Variants in RASAL2 observed in about 807,000 individuals in gnomAD.
The protein encoded by RASAL2 is RAS protein activator like 2.
In RASAL2, 58 loss-of-function variants were observed where a neutral mutation model predicts 128.9. The observed-to-expected ratio is 0.45, with a 90% CI of 0.36 to 0.56. The LOEUF (loss-of-function observed/expected upper bound fraction) is 0.56, where lower values mean the gene tolerates loss of function less well. Ranked by LOEUF, RASAL2 falls within the 20% of genes least tolerant of loss-of-function variation. RASAL2 has a pLI of 0.00. For missense variants in RASAL2, 1,360 were observed against 1,601.6 expected, an observed-to-expected ratio of 0.85 and a Z score of 2.57; for synonymous variants, 561 against 580.8, an observed-to-expected ratio of 0.97 and a Z score of 0.49.
chr1:178,352,062 T>C (rs1362264686), intron 3 of RASAL2, among the ~76,000 whole-genome samples: 1 of 152,220 alleles, frequency 6.6e-6, no homozygotes, highest in African/African-American at 2.4e-5. Context: ...AAAAATTGAA[T>C]TCATCAAAGG....
chr1:178,306,377 T>G (rs1667990596), intron 3 of RASAL2, among the ~76,000 whole-genome samples: 1 of 151,796 alleles, frequency 6.6e-6, no homozygotes, highest in African/African-American at 2.4e-5. Context: ...TGTGTCTTTA[T>G]AGCAGCATGA....
At chr1:178,470,850 G>A (rs1443927500) in intron 17 of RASAL2, 1 of 696,262 alleles carries the variant, frequency 1.4e-6, no homozygotes, top group African/African-American at 1.9e-5. Flanking sequence ...GTGTGGACTA[G>A]ATTGCTTTCC....
intron 9 of RASAL2, among the ~76,000 whole-genome samples, chr1:178,448,326 A>G (rs147895609): frequency 2.0e-5 from 3 of 152,368 alleles, no homozygotes; most frequent in African/African-American, 7.2e-5. Flanking sequence ...CTTAAATATC[A>G]CTAGTGATGG....
intron 3 of RASAL2, among the ~76,000 whole-genome samples, chr1:178,367,615 A>G (rs1277230600): frequency 6.6e-6 from 1 of 152,138 alleles, no homozygotes; most frequent in African/African-American, 2.4e-5. Context: ...TGAAAGTATG[A>G]GTACAAGCAG....
At chr1:178,141,649 T>G (rs955642609) in intron 1 of RASAL2, among the ~76,000 whole-genome samples, 1 of 152,036 alleles carries the variant, frequency 6.6e-6, no homozygotes, top group Non-Finnish European at 1.5e-5. Flanking sequence ...GGTTGTGCAT[T>G]TGAGATTTCC....
chr1:178,332,824 G>T (rs1669396641), intron 3 of RASAL2, among the ~76,000 whole-genome samples: 1 of 151,306 alleles, frequency 6.6e-6, no homozygotes, highest in African/African-American at 2.4e-5. Flanking sequence ...CCGTGGTCTC[G>T]ATCTCCTGAC....
At chr1:178,311,722 T>C (rs1668260968) in intron 3 of RASAL2, among the ~76,000 whole-genome samples, 1 of 152,104 alleles carries the variant, frequency 6.6e-6, no homozygotes, top group Non-Finnish European at 1.5e-5. Flanking sequence ...GAATACCCCT[T>C]GGTGTATTTA....
intron 4 of RASAL2, among the ~76,000 whole-genome samples, chr1:178,399,728 T>C (rs1452849747): frequency 6.6e-6 from 1 of 152,204 alleles, no homozygotes; most frequent in East Asian, 1.9e-4. Flanking sequence ...TTAATGACAT[T>C]GTCTTCCTGC....
intron 15 of RASAL2, 106 bp downstream of exon 15, chr1:178,464,518 T>A (rs1647438021): frequency 7.6e-7 from 1 of 1,315,338 alleles, no homozygotes; most frequent in East Asian, 2.3e-5. Flanking sequence ...TCTTCACCTC[T>A]ACCCCTTATG....
At chr1:178,122,777 A>C (rs1337707729) in intron 1 of RASAL2, among the ~76,000 whole-genome samples, 1 of 151,570 alleles carries the variant, frequency 6.6e-6, no homozygotes, top group African/African-American at 2.4e-5. Flanking sequence ...AATGGTTTGG[A>C]TTTGTCAAAT....
At chr1:178,140,126 A>G (rs989992293) in intron 1 of RASAL2, among the ~76,000 whole-genome samples, 1 of 152,172 alleles carries the variant, frequency 6.6e-6, no homozygotes, top group Non-Finnish European at 1.5e-5. Context: ...AGACTAGAGC[A>G]GTGTTTCTCA....
chr1:178,410,118 A>G lies in RASAL2; in HGVS notation c.565-10393A>G, dbSNP rs143911723. On this transcript the variant is annotated intron_variant, in intron 4 of 17. Transcript: ENST00000367649. ...AAAAGAGAGCAGGAAAAAACAAGGGACAGGGAGAAAATGAGGTGGTCCAGA... is the reference window on the plus strand; with the variant it reads ...AAAAGAGAGCAGGAAAAAACAAGGGGCAGGGAGAAAATGAGGTGGTCCAGA... 3.4e-3 allele frequency among the ~76,000 whole-genome samples: 518 copies of G among 152,274 alleles called. 1 individual carries two copies. Among genetic ancestry groups the G allele is most frequent in the African/African-American group, 0.012 (490 of 41,568 alleles).
At chr1:178,342,399 A>G (rs1669930323) in intron 3 of RASAL2, among the ~76,000 whole-genome samples, 1 of 152,192 alleles carries the variant, frequency 6.6e-6, no homozygotes, top group Admixed American at 6.6e-5. Flanking sequence ...TATTTTCTCT[A>G]TACTACATCT....
At chr1:178,101,726 G>C in intron 1 of RASAL2, among the ~76,000 whole-genome samples, 1 of 152,130 alleles carries the variant, frequency 6.6e-6, no homozygotes. Flanking sequence ...CCCAAAATTG[G>C]AGACAGACTC....
At chr1:178,121,305 G>T (rs940409119) in intron 1 of RASAL2, among the ~76,000 whole-genome samples, 12 of 152,076 alleles carry the variant, frequency 7.9e-5, no homozygotes, top group African/African-American at 2.9e-4. Flanking sequence ...ACTTTGATGT[G>T]CATGATATAC....
chr1:178,467,192 T>A, intron 16 of RASAL2, 142 bp from the exon 17 acceptor site: 1 of 651,924 alleles, frequency 1.5e-6, no homozygotes, highest in Non-Finnish European at 2.7e-6. Context: ...TTAGATGTCT[T>A]ATTCCAAGGT....
rs111541440 is a variant in RASAL2, at chr1:178,228,304, G to A, written c.203-55260G>A. ...CTTATGGTAAAAAAAATTGTGGGCCGGGTGCGGTGGCTTATGCCTGTAATC... is the reference window on the plus strand; with the variant it reads ...CTTATGGTAAAAAAAATTGTGGGCCAGGTGCGGTGGCTTATGCCTGTAATC... On this transcript the variant is annotated intron_variant, in intron 1 of 17. Transcript: ENST00000367649. Among the ~76,000 whole-genome samples the A allele has an allele frequency of 2.2e-3, 332 of 152,200 alleles. 1 individual carries two copies. The highest frequency in any genetic ancestry group is 3.9e-3 in the Non-Finnish European group (265 of 68,016).
At chr1:178,467,216 GA>G in intron 16 of RASAL2, 117 bp from the exon 17 acceptor site, 1 of 757,052 alleles carries the variant, frequency 1.3e-6, no homozygotes. Flanking sequence ...AGAGAAGAAA[GA>G]AAAGATGGTT....
At chr1:178,100,265 C>G (rs1658841664) in intron 1 of RASAL2, among the ~76,000 whole-genome samples, 1 of 151,730 alleles carries the variant, frequency 6.6e-6, no homozygotes, top group African/African-American at 2.4e-5. Flanking sequence ...CCCATAATTC[C>G]AGCACTTTAG....
Sources: gnomAD v4.1 joint callset for allele counts (sites outside exome capture counted in the v4.1 genomes callset) on GRCh38, gnomAD v4.1.1 for gene constraint, MANE v1.5 for transcripts, NCBI Gene and HGNC (gene_info 2026-07-23, HGNC 2026-07-21) for gene names.